HPR: variants seen among roughly 807,000 people sequenced by gnomAD.
The protein encoded by HPR is Haptoglobin-related locus.
A neutral mutation model predicts 18.5 loss-of-function variants in HPR; 17 were observed. That is an observed-to-expected ratio of 0.92 (90% confidence interval 0.63 to 1.38). The LOEUF (loss-of-function observed/expected upper bound fraction) is 1.38, where lower values mean the gene tolerates loss of function less well. Among genes scored for constraint, HPR ranks in the 40% most tolerant of loss-of-function variants. The probability of loss-of-function intolerance (pLI) is 0.00; values close to 1 mark genes in which losing one functional copy is unlikely to be tolerated. For missense variants in HPR, 457 were observed against 432.4 expected (o/e 1.06, Z -0.51); for synonymous variants, 176 against 165.0 (o/e 1.07, Z -0.51).
intron 3 of HPR, 51 bp downstream of exon 3, chr16:72,074,436 C>G (rs1348423767): frequency 7.0e-7 from 1 of 1,429,274 alleles, no homozygotes; most frequent in Non-Finnish European, 9.9e-7. Flanking sequence ...CCTGCTCTGA[C>G]ATTTCCATGA....
chr16:72,067,761 T>C lies in HPR; in HGVS notation c.5+4501T>C, dbSNP rs529303592. Among the ~76,000 whole-genome samples, 4 of 152,220 alleles carry C rather than the reference T, an allele frequency of 2.6e-5. No homozygotes were observed. The South Asian group carries it at 8.3e-4, about 32-fold the overall frequency. On this transcript the variant is annotated intron_variant, in intron 1 of 4. Transcript: ENST00000540303. ...TTCTTGAACCCTGTATGTCTCCTTA[T>C]AACACCCCAATACTGCCTGTCAAAA...
At chr16:72,073,547 A>G (rs1477331166) in intron 1 of HPR, among the ~76,000 whole-genome samples, 2 of 152,026 alleles carry the variant, frequency 1.3e-5, no homozygotes. Context: ...TTGCCAATGT[A>G]CCTTCCTGAC....
At chr16:72,071,885 A>G (rs2041659998) in intron 1 of HPR, among the ~76,000 whole-genome samples, 2 of 152,232 alleles carry the variant, frequency 1.3e-5, no homozygotes, top group Non-Finnish European at 1.5e-5. Context: ...CTGGAGTCCA[A>G]CGAGGAGTGC....
At chr16:72,064,309 T>C (rs1042521389) in intron 1 of HPR, among the ~76,000 whole-genome samples, 3 of 152,204 alleles carry the variant, frequency 2.0e-5, no homozygotes, top group African/African-American at 7.2e-5. Flanking sequence ...AAGTTTAGCC[T>C]GCTTAAGTTT....
chr16:72,064,705 C>A (rs1240949101), intron 1 of HPR, among the ~76,000 whole-genome samples: 4 of 152,180 alleles, frequency 2.6e-5, no homozygotes, highest in African/African-American at 4.8e-5. Flanking sequence ...AGTAAATTTG[C>A]CTTGCTGAGA....
In HPR at chr16:72,073,947, T is replaced by A; in HGVS notation, c.61T>A (p.Tyr21Asn). 6.2e-7 allele frequency: 1 copy of A among 1,614,070 alleles called. No individual in the cohort carries two copies. Among genetic ancestry groups the A allele is most frequent in the Non-Finnish European group, 8.5e-7 (1 of 1,180,008 alleles). The change falls in exon 2 of 5, where the codon TAC becomes AAC. Residue 21 changes from tyrosine to asparagine, a missense_variant. Transcript: ENST00000540303. The stretch of plus-strand genomic sequence containing the variant: ...CTGGGGACGACAGCTTTTTGCACTG[T>A]ACTCAGGCAATGATGTCACGGATAT... ...LLWGRQLFALYSGNDVTDISD... is the reference protein window; with the variant it reads ...LLWGRQLFALNSGNDVTDISD...
chr16:72,074,226 A>T (rs1351991215), intron 2 of HPR, 58 bp from the exon 3 acceptor site: 1 of 1,510,776 alleles, frequency 6.6e-7, no homozygotes, highest in East Asian at 2.3e-5. Context: ...CTGACTTTTC[A>T]TGGGTCTCTG....
intron 3 of HPR, 30 bp downstream of exon 3, chr16:72,074,415 T>C: frequency 6.6e-7 from 1 of 1,524,646 alleles, no homozygotes; most frequent in Non-Finnish European, 9.1e-7. Flanking sequence ...CTCTGTGCTC[T>C]ACCTACAACC....
At chr16:72,064,515 A>G (rs1371439582) in intron 1 of HPR, among the ~76,000 whole-genome samples, 1 of 152,180 alleles carries the variant, frequency 6.6e-6, no homozygotes, top group Non-Finnish European at 1.5e-5. Flanking sequence ...CCACCAGTGC[A>G]ACCACATTCC....
intron 4 of HPR, 115 bp from the exon 5 acceptor site, chr16:72,076,188 C>A: frequency 6.5e-7 from 1 of 1,545,242 alleles, no homozygotes; most frequent in Non-Finnish European, 8.8e-7. Context: ...AAGGACAAAG[C>A]ATTTAAATCT....
At chr16:72,073,310 G>C (rs1396442799) in intron 1 of HPR, among the ~76,000 whole-genome samples, 1 of 152,166 alleles carries the variant, frequency 6.6e-6, no homozygotes, top group Non-Finnish European at 1.5e-5. Flanking sequence ...TTGCCTTGCT[G>C]AGAGACCCTT....
At position 72,075,511 on chromosome 16, in the gene HPR, T is replaced by C. The variant is rs2041709967; in HGVS notation, c.268+292T>C. 2.0e-5 allele frequency among the ~76,000 whole-genome samples: 3 copies of C among 152,316 alleles called. No individual in the cohort carries two copies. The South Asian group carries it at 6.2e-4, about 32-fold the overall frequency. On this transcript the variant is annotated intron_variant, in intron 4 of 4. Transcript: ENST00000540303. ...AGAGAGCCTGCTAGAGAGCCCTGGGTCTAAGGAGAAGCAAGCTCCAGGGAG... is the reference window on the plus strand; with the variant it reads ...AGAGAGCCTGCTAGAGAGCCCTGGGCCTAAGGAGAAGCAAGCTCCAGGGAG...
chr16:72,065,479 G>A (rs929751744), intron 1 of HPR, among the ~76,000 whole-genome samples: 1 of 152,096 alleles, frequency 6.6e-6, no homozygotes, highest in African/African-American at 2.4e-5. Flanking sequence ...TAAGAAGGAT[G>A]AAAATAGTAA....
intron 1 of HPR, chr16:72,073,677 G>A (rs1346764568): frequency 1.4e-6 from 2 of 1,442,162 alleles, no homozygotes; most frequent in Non-Finnish European, 9.2e-7. Context: ...AGCAGCTAAA[G>A]CGTGTATGTG....
chr16:72,076,654 T>C lies in HPR; in HGVS notation c.620T>C (p.Ile207Thr), dbSNP rs1367077607. 2 of 1,614,104 alleles carry C rather than the reference T, an allele frequency of 1.2e-6. No individual in the cohort carries two copies. The highest frequency in any genetic ancestry group is 2.7e-5 in the African/African-American group (2 of 74,940). ...KVLVNERVMP[I>T]CLPSKNYAEV... ...CTTGTTAATGAGAGAGTGATGCCCA[T>C]CTGCCTACCTTCAAAGAATTATGCA... Residue 207 changes from isoleucine to threonine, a missense_variant, in exon 5 of 5, where the codon ATC becomes ACC. Transcript: ENST00000540303.
At chr16:72,064,601 AG>A (rs1267589034) in intron 1 of HPR, among the ~76,000 whole-genome samples, 4 of 152,218 alleles carry the variant, frequency 2.6e-5, no homozygotes, top group African/African-American at 9.6e-5. Context: ...ACACAGTAGC[AG>A]GGACAAGCTG....
intron 1 of HPR, among the ~76,000 whole-genome samples, chr16:72,068,004 T>C (rs1005091367): frequency 1.3e-5 from 2 of 152,110 alleles, no homozygotes; most frequent in Admixed American, 1.3e-4. Context: ...AGATCCCCAG[T>C]TAGGGTGAAA....
At chr16:72,068,197 A>G (rs981174186) in intron 1 of HPR, among the ~76,000 whole-genome samples, 1 of 152,172 alleles carries the variant, frequency 6.6e-6, no homozygotes, top group East Asian at 1.9e-4. Context: ...TTCTCTACAC[A>G]TATTTTTGAC....
chr16:72,067,105 G>C (rs992737001), intron 1 of HPR, among the ~76,000 whole-genome samples: 1 of 152,152 alleles, frequency 6.6e-6, no homozygotes, highest in Non-Finnish European at 1.5e-5. Flanking sequence ...CTTCAAAAGA[G>C]AATGTCCCAA....
Sources: allele counts gnomAD v4.1 joint callset (sites outside exome capture counted in the v4.1 genomes callset), GRCh38; gene constraint gnomAD v4.1.1; transcripts MANE v1.5; gene names NCBI Gene and HGNC (gene_info 2026-07-23, HGNC 2026-07-21).